Variants in MYBPH observed in about 807,000 individuals in gnomAD.
The protein encoded by MYBPH is myosin-binding protein H.
A neutral mutation model predicts 53.6 loss-of-function variants in MYBPH; 49 were observed. The ratio of observed to expected loss-of-function variants is 0.91; its 90% CI spans 0.73 to 1.16. The LOEUF is 1.16. Ranked by LOEUF, MYBPH falls within the 50% of genes most tolerant of loss-of-function variation. The probability of loss-of-function intolerance (pLI) is 0.00; values close to 1 mark genes in which losing one functional copy is unlikely to be tolerated. For synonymous variants in MYBPH, 239 were observed against 249.6 expected (o/e 0.96, Z 0.40); for missense variants, 558 against 624.1 (o/e 0.89, Z 1.13).
chr1:203,170,364 G>C lies in MYBPH; in HGVS notation c.1020C>G (p.Val340=). 6.2e-7 allele frequency: 1 copy of C among 1,614,212 alleles called. No individual in the cohort carries two copies. Among genetic ancestry groups the C allele is most frequent in the Non-Finnish European group, 8.5e-7 (1 of 1,180,038 alleles). ...TGAGTCCACACAGGTTTTCTGAGAAGACCCGGAAGGAGTACGAGTTGCCGA... is the reference window on the plus strand; with the variant it reads ...TGAGTCCACACAGGTTTTCTGAGAACACCCGGAAGGAGTACGAGTTGCCGA... The part of the protein sequence containing the change: ...LIIGNSYSFR[V]FSENLCGLST... The change falls in exon 7 of 11, where the codon GTC becomes GTG. Residue 340 remains valine, a synonymous_variant. Coordinates refer to ENST00000255416, the MANE Select transcript of MYBPH (RefSeq NM_004997.3).
upstream of MYBPH, among the ~76,000 whole-genome samples, chr1:203,178,354 A>G (rs1655855834): frequency 6.6e-6 from 1 of 152,238 alleles, no homozygotes; most frequent in Non-Finnish European, 1.5e-5. Flanking sequence ...CACTAGGACT[A>G]TTGACAGATT....
At chr1:203,168,429 A>G (rs1319452082) in intron 10 of MYBPH, among the ~76,000 whole-genome samples, 198 bp downstream of exon 10, 1 of 152,202 alleles carries the variant, frequency 6.6e-6, no homozygotes, top group Non-Finnish European at 1.5e-5. Flanking sequence ...CCCCCCTTCC[A>G]GGAGACACCG....
chr1:203,179,165 A>G (rs989201520), upstream of MYBPH: 21 of 285,042 alleles, frequency 7.4e-5, no homozygotes, highest in Non-Finnish European at 1.2e-4. Context: ...TTCCCTTGCC[A>G]GGCTTGGGGA....
At chr1:203,172,470 T>C (rs1655719968) in intron 3 of MYBPH, among the ~76,000 whole-genome samples, 1 of 152,190 alleles carries the variant, frequency 6.6e-6, no homozygotes, top group African/African-American at 2.4e-5. Context: ...CCTGCTCTAA[T>C]ATCCCCAGCT....
chr1:203,178,556 T>A (rs1655861574), upstream of MYBPH, among the ~76,000 whole-genome samples: 1 of 152,218 alleles, frequency 6.6e-6, no homozygotes, highest in African/African-American at 2.4e-5. Flanking sequence ...GGTCCTGTGA[T>A]GAGCTCCCAC....
upstream of MYBPH, among the ~76,000 whole-genome samples, chr1:203,178,239 C>T (rs543880153): frequency 8.0e-4 from 122 of 152,346 alleles, no homozygotes; most frequent in Non-Finnish European, 1.5e-3. Flanking sequence ...CACATCCTCC[C>T]GACCTCCTAT....
chr1:203,171,030 C>T lies in MYBPH; in HGVS notation c.933+31G>A. On this transcript the variant is annotated intron_variant, in intron 6 of 10. Transcript: ENST00000255416. This position sits in a 1 kb window ranked among gnomAD's most constrained non-coding sequence, Gnocchi z 4.2. The stretch of plus-strand genomic sequence containing the variant: ...CCCCACCACCTTGACCACTTCGTAC[C>T]CCGACCCCACTTTGCCTCAGCCAGC... The T allele has an allele frequency of 5.1e-6, 8 of 1,555,042 alleles. No individual in the cohort carries two copies. The highest frequency in any genetic ancestry group is 6.9e-6 in the Non-Finnish European group (8 of 1,152,240).
upstream of MYBPH, chr1:203,179,207 G>A (rs1049707590): frequency 9.6e-6 from 4 of 417,400 alleles, no homozygotes; most frequent in Non-Finnish European, 1.7e-5. Flanking sequence ...CAACAAGTGT[G>A]TACTAATCCC....
intron 3 of MYBPH, 22 bp downstream of exon 3, chr1:203,174,408 T>C: frequency 6.4e-7 from 1 of 1,559,000 alleles, no homozygotes; most frequent in Non-Finnish European, 8.7e-7. Context: ...GCTGGGTAGC[T>C]GAAGGCCAGG....
Position 203,174,587 on chromosome 1 carries a change from C to A in MYBPH, c.351G>T (p.Trp117Cys), listed in dbSNP as rs770551035. Residue 117 changes from tryptophan (W) to cysteine (C), a missense_variant, in exon 3 of 11, where the codon TGG (tryptophan) becomes TGT (cysteine). Physicochemically the swap from Trp to Cys is radical, Grantham distance 215. Coordinates refer to ENST00000255416, the MANE Select transcript of MYBPH (RefSeq NM_004997.3). Reference protein sequence around the residue: ...LELCREGASEWVPVSARPMMV... With the variant: ...LELCREGASECVPVSARPMMV... ...TCATGGGCCGGGCACTCACAGGCAC[C>A]CACTCCGAGGCTGAGGGGATGGAGA... 3 of 1,602,340 alleles carry A rather than the reference C, an allele frequency of 1.9e-6. No individual in the cohort carries two copies. The highest frequency in any genetic ancestry group is 2.6e-6 in the Non-Finnish European group (3 of 1,170,752).
intron 6 of MYBPH, 116 bp from the exon 7 acceptor site, chr1:203,170,566 A>G: frequency 7.3e-7 from 1 of 1,364,848 alleles, no homozygotes; most frequent in South Asian, 1.5e-5. Context: ...AGGATGCTGA[A>G]CCATCCAGCT....
chr1:203,178,248 A>C (rs993516368), upstream of MYBPH, among the ~76,000 whole-genome samples: 6 of 152,156 alleles, frequency 3.9e-5, no homozygotes, highest in African/African-American at 1.4e-4. Context: ...CCGACCTCCT[A>C]TCTCAGGCCA....
upstream of MYBPH, among the ~76,000 whole-genome samples, chr1:203,175,986 G>T (rs562098789): frequency 5.9e-5 from 9 of 152,284 alleles, no homozygotes; most frequent in Admixed American, 1.3e-4. Context: ...GCCCCTTGAG[G>T]AGTCACTTCC....
At position 203,174,319 on chromosome 1, in the gene MYBPH, G is replaced by C. The variant is rs370397624; in HGVS notation, c.508+111C>G. 8.1e-6 allele frequency: 12 copies of C among 1,473,374 alleles called. No individual in the cohort carries two copies. The African/African-American group carries it at 1.3e-4, about 16-fold the overall frequency. The allele number at this position is 1,473,374 out of a possible 1,614,324, so 91.3% of individuals were successfully genotyped here. A position where few individuals can be genotyped will look rare whatever the true frequency, so the allele number is the denominator to read the frequency against. ...TAGCGTGTGGCTTGTGCATGTGAGC[G>C]TGGGACGGGGGAAATGACTGCCTGG... On this transcript the variant is annotated intron_variant, in intron 3 of 10. Transcript: ENST00000255416.
intron 3 of MYBPH, among the ~76,000 whole-genome samples, chr1:203,172,548 G>T (rs1325077949): frequency 6.6e-6 from 1 of 152,168 alleles, no homozygotes; most frequent in Non-Finnish European, 1.5e-5. Flanking sequence ...CTGTCTCCAG[G>T]CCCTATTGAA....
rs756404296 is a variant in MYBPH, at chr1:203,168,986, G to A, written c.1337C>T (p.Pro446Leu). 4.3e-6 allele frequency: 7 copies of A among 1,614,026 alleles called. No homozygotes were observed. The highest frequency in any genetic ancestry group is 5.9e-6 in the Non-Finnish European group (7 of 1,180,040). The stretch of plus-strand genomic sequence containing the variant: ...GCAGGTGTAGACCCCAGAATCAAAG[G>A]GGCTGGGTTTCCGGATCTCTAGGGT... ...VCTLEIRKPS[P>L]FDSGVYTCKA... The change falls in exon 9 of 11, where the codon CCC (proline) becomes CTC (leucine). Residue 446 changes from proline to leucine, a missense_variant. By Grantham distance (98) the Pro-to-Leu change is moderately conservative (BLOSUM62 -3). Transcript: ENST00000255416.
chr1:203,168,946 C>T lies in MYBPH; in HGVS notation c.1377G>A (p.Val459=), dbSNP rs1655641162. ...GGCAGTCCACAGATGCCTCCCCCAG[C>T]ACATTTATGGCCTTGCAGGTGTAGA... ...SGVYTCKAIN[V]LGEASVDCRL... is the part of the protein sequence containing the mutation. The change falls in exon 9 of 11, where the codon GTG becomes GTA. Residue 459 remains valine (V), a synonymous_variant. Transcript: ENST00000255416. 4 of 1,614,092 alleles carry T rather than the reference C, an allele frequency of 2.5e-6. No individual in the cohort carries two copies. The highest frequency in any genetic ancestry group is 3.4e-6 in the Non-Finnish European group (4 of 1,180,040).
In MYBPH at chr1:203,174,479, AG is replaced by A. The variant is rs1406161473; in HGVS notation, c.458del (p.Ala153ValfsTer68). ...LRVSAVSSAG[A>X]GPPAMLDQPI... ...GCTGGTCCAGCATGGCCGGCGGGCC[AG>A]CCCCTGCAGAACTCACTGCAGACAC... On this transcript the variant is annotated frameshift_variant, in exon 3 of 11. Coordinates refer to ENST00000255416, the MANE Select transcript of MYBPH (RefSeq NM_004997.3). LOFTEE classifies it high-confidence loss of function. The A allele has an allele frequency of 6.2e-7, 1 of 1,611,764 alleles. No homozygotes were observed. The highest frequency in any genetic ancestry group is 2.2e-5 in the East Asian group (1 of 44,808).
At position 203,171,289 on chromosome 1, in the gene MYBPH, C is replaced by T; in HGVS notation, c.794-89G>A. ...CCCAAAATTTGGCTCTTGCCACACT[C>T]CCTTGGCCTGCTCCCATCAGCCATC... On this transcript the variant is annotated intron_variant, in intron 5 of 10. Transcript: ENST00000255416. The surrounding 1 kb of genome is among the most constrained non-coding windows in gnomAD (Gnocchi z 4.2). 6.4e-7 allele frequency: 1 copy of T among 1,560,250 alleles called. No homozygotes were observed. Among genetic ancestry groups the T allele is most frequent in the East Asian group, 2.3e-5 (1 of 44,344 alleles).
Sources: gnomAD v4.1 joint callset for allele counts (sites outside exome capture counted in the v4.1 genomes callset) on GRCh38, gnomAD v4.1.1 for gene constraint, Gnocchi (gnomAD v3.1) non-coding constraint, MANE v1.5 for transcripts, NCBI Gene and HGNC (gene_info 2026-07-23, HGNC 2026-07-21) for gene names.